ZNF839: variants seen among roughly 807,000 people sequenced by gnomAD.
ZNF839 encodes zinc finger protein 839.
ZNF839 carries 38 observed loss-of-function variants against 56.4 expected under a neutral mutation model. That is an observed-to-expected ratio of 0.67 (90% confidence interval 0.52 to 0.88). ZNF839 has a LOEUF of 0.88. ZNF839 is among the 40% of genes least tolerant of loss of function. The pLI, the probability that ZNF839 is intolerant of heterozygous loss-of-function variation, is 0.00. For missense variants in ZNF839, 1,091 were observed against 1,177.6 expected, an observed-to-expected ratio of 0.93 and a Z score of 1.08; for synonymous variants, 486 against 493.5, an observed-to-expected ratio of 0.98 and a Z score of 0.20.
At chr14:102,322,253 A>G (rs924466170) in intron 1 of ZNF839, among the ~76,000 whole-genome samples, 6 of 152,188 alleles carry the variant, frequency 3.9e-5, no homozygotes, top group African/African-American at 1.4e-4. Flanking sequence ...CTGCCTTCAG[A>G]ATCATCAGTG....
upstream of ZNF839, among the ~76,000 whole-genome samples, chr14:102,318,540 G>A (rs1233203305): frequency 6.6e-6 from 1 of 152,102 alleles, no homozygotes; most frequent in Non-Finnish European, 1.5e-5. Flanking sequence ...GGCTGAGGCA[G>A]GAGAACCGCA....
chr14:102,328,305 G>A (rs2139501338), intron 2 of ZNF839, among the ~76,000 whole-genome samples: 1 of 130,926 alleles, frequency 7.6e-6, no homozygotes, highest in Admixed American at 8.8e-5. Context: ...AGTGAGCCGA[G>A]ATCATGCCAT....
chr14:102,337,347 T>G (rs905017690), intron 5 of ZNF839: 1 of 152,114 alleles, frequency 6.6e-6, no homozygotes, highest in African/African-American at 2.4e-5. Flanking sequence ...TTTTGTATTT[T>G]TAGTAGAGAC....
chr14:102,324,782 C>G (rs1325264223), intron 1 of ZNF839, among the ~76,000 whole-genome samples: 1 of 151,874 alleles, frequency 6.6e-6, no homozygotes, highest in African/African-American at 2.4e-5. Context: ...AACCCTGTCT[C>G]TACTAAAAAT....
chr14:102,340,417 G>A (rs909053636), intron 7 of ZNF839, among the ~76,000 whole-genome samples: 16 of 151,728 alleles, frequency 1.1e-4, no homozygotes, highest in African/African-American at 3.1e-4. Flanking sequence ...GATTACAGGC[G>A]CCCACCACCA....
chr14:102,326,219 C>T lies in ZNF839; in HGVS notation c.523C>T (p.Gln175Ter). 1.9e-6 allele frequency: 3 copies of T among 1,613,932 alleles called. No homozygotes were observed. The highest frequency in any genetic ancestry group is 2.5e-6 in the Non-Finnish European group (3 of 1,179,866). Residue 175 changes from glutamine to a stop codon, truncating the protein, a stop_gained, in exon 2 of 8, where the codon CAG becomes TAG. Coordinates refer to ENST00000442396, the MANE Select transcript of ZNF839 (RefSeq NM_018335.6). LOFTEE classifies it high-confidence loss of function. The surrounding 1 kb of genome is among the most constrained non-coding windows in gnomAD (Gnocchi z 4.3). ...FLSDLCQPPA[Q>*]GFVQRPLPAL... ...AAGTGACTTATGCCAACCTCCTGCT[C>T]AGGGGTTTGTACAGAGACCACTGCC...
intron 7 of ZNF839, among the ~76,000 whole-genome samples, chr14:102,340,396 T>C (rs1322771595): frequency 3.3e-5 from 5 of 151,606 alleles, no homozygotes; most frequent in African/African-American, 9.7e-5. Context: ...CTCAGCCTCC[T>C]GAGTAGCTGG....
At chr14:102,338,656 T>C (rs1886131884) in intron 5 of ZNF839, among the ~76,000 whole-genome samples, 160 bp from the exon 6 acceptor site, 1 of 152,148 alleles carries the variant, frequency 6.6e-6, no homozygotes, top group South Asian at 2.1e-4. Context: ...TAACATTATA[T>C]TGATCTTCAT....
chr14:102,323,623 C>T (rs2073248067), intron 1 of ZNF839, among the ~76,000 whole-genome samples: 2 of 151,946 alleles, frequency 1.3e-5, no homozygotes, highest in Admixed American at 6.6e-5. Flanking sequence ...TGGCCACCTG[C>T]GTGTTTTTTT....
rs1429067129 is a variant in ZNF839 at position 102,328,377 on chromosome 14, T to A, written c.1191+1490T>A. Among the ~76,000 whole-genome samples the A allele has an allele frequency of 9.0e-3, 279 of 31,020 alleles. 1 individual carries two copies. The highest frequency in any genetic ancestry group is 0.02 in the African/African-American group (130 of 6,406). 20.4% of individuals were successfully genotyped at this position (31,020 alleles called of 152,430 possible). A position where few individuals can be genotyped will look rare whatever the true frequency, so the allele number is the denominator to read the frequency against. ...CTCAAAAAAAAAAAAAAAAAAAAAA[T>A]ATATATATATATATATATATATATA... On this transcript the variant is annotated intron_variant, in intron 2 of 7. Transcript: ENST00000442396.
intron 1 of ZNF839, among the ~76,000 whole-genome samples, chr14:102,321,985 C>G (rs1026948578): frequency 6.6e-5 from 10 of 152,118 alleles, no homozygotes; most frequent in Non-Finnish European, 1.5e-4. Flanking sequence ...CCCCATCCTC[C>G]CTCTTCCCCA....
chr14:102,326,787 C>T lies in ZNF839; in HGVS notation c.1091C>T (p.Thr364Met), dbSNP rs200171587. 386 of 1,612,362 alleles carry T rather than the reference C, an allele frequency of 2.4e-4. 1 individual carries two copies. In the East Asian group the frequency reaches 2.5e-3, roughly 11 times the overall value. The change falls in exon 2 of 8, where the codon ACG (threonine) becomes ATG (methionine). Residue 364 changes from threonine to methionine, a missense_variant. Thr to Met is a moderately conservative substitution (Grantham distance 81, BLOSUM62 -1). Transcript: ENST00000442396. This position sits in a 1 kb window ranked among gnomAD's most constrained non-coding sequence, Gnocchi z 4.3. The part of the protein sequence containing the change: ...STLRGCTEER[T>M]LSLTSLGLSM... ...CTCCGGGGGTGCACGGAGGAAAGGACGCTCAGCCTGACCTCCCTGGGGCTG... is the reference window on the plus strand; with the variant it reads ...CTCCGGGGGTGCACGGAGGAAAGGATGCTCAGCCTGACCTCCCTGGGGCTG...
chr14:102,320,893 A>T (rs1022381403), intron 1 of ZNF839, among the ~76,000 whole-genome samples: 1 of 152,190 alleles, frequency 6.6e-6, no homozygotes, highest in African/African-American at 2.4e-5. Context: ...ATTCCACCCC[A>T]TTTCAGCGCT....
At position 102,332,909 on chromosome 14, in the gene ZNF839, T is replaced by TCAAAAA. The variant is rs965303846; in HGVS notation, c.1416+1082_1416+1087dup. On this transcript the variant is annotated intron_variant, in intron 3 of 7. Coordinates refer to ENST00000442396, the MANE Select transcript of ZNF839 (RefSeq NM_018335.6). The surrounding 1 kb of genome is among the most constrained non-coding windows in gnomAD (Gnocchi z 4.9). ...TGGGGGACAAGAACGAGACTTCGTC[T>TCAAAAA]CAAAAACAAAAACAAAAACAAAAAA... Among the ~76,000 whole-genome samples the TCAAAAA allele has an allele frequency of 1.1e-4, 16 of 152,156 alleles. No individual in the cohort carries two copies. The highest frequency in any genetic ancestry group is 3.3e-4 in the Admixed American group (5 of 15,278).
At chr14:102,324,427 G>A (rs1456651107) in intron 1 of ZNF839, among the ~76,000 whole-genome samples, 1 of 152,012 alleles carries the variant, frequency 6.6e-6, no homozygotes, top group African/African-American at 2.4e-5. Flanking sequence ...CCTGTAATCA[G>A]GGCTACTCAG....
intron 3 of ZNF839, among the ~76,000 whole-genome samples, chr14:102,333,718 G>A (rs769716057): frequency 3.9e-5 from 6 of 152,000 alleles, no homozygotes; most frequent in Admixed American, 6.6e-5. Context: ...CACGCTTCCC[G>A]TTCAGACCTC....
chr14:102,341,301 A>AGG, intron 7 of ZNF839, 22 bp from the exon 8 acceptor site: 1 of 1,514,602 alleles, frequency 6.6e-7, no homozygotes, highest in Non-Finnish European at 8.8e-7. Flanking sequence ...CGCCATGTTC[A>AGG]CCTGTTTCCC....
chr14:102,321,005 C>T (rs2073099857), intron 1 of ZNF839, among the ~76,000 whole-genome samples: 1 of 152,226 alleles, frequency 6.6e-6, no homozygotes, highest in Non-Finnish European at 1.5e-5. Flanking sequence ...AACCTTCACT[C>T]GTTGAGTTTT....
At chr14:102,318,317 T>A (rs561461009), upstream of ZNF839, among the ~76,000 whole-genome samples, 1 of 152,328 alleles carries the variant, frequency 6.6e-6, no homozygotes, top group East Asian at 1.9e-4. Flanking sequence ...ATGAAAATTA[T>A]TTTGAGCAGA....
Sources: gnomAD v4.1 joint callset for allele counts (sites outside exome capture counted in the v4.1 genomes callset) on GRCh38, gnomAD v4.1.1 for gene constraint, Gnocchi (gnomAD v3.1) non-coding constraint, MANE v1.5 for transcripts, NCBI Gene and HGNC (gene_info 2026-07-23, HGNC 2026-07-21) for gene names.